MED27: variants seen among roughly 807,000 people sequenced by gnomAD.
MED27 encodes the protein mediator of RNA polymerase II transcription subunit 27.
Under a neutral mutation model 38.2 loss-of-function variants are expected in MED27, and 30 were observed. That is an observed-to-expected ratio of 0.79 (90% confidence interval 0.59 to 1.07). The LOEUF is 1.07. MED27 is among the 50% of genes least tolerant of loss of function. The pLI is 0.00. For missense variants in MED27, 289 were observed against 397.5 expected, an observed-to-expected ratio of 0.73 and a Z score of 2.32; for synonymous variants, 122 against 153.5, an observed-to-expected ratio of 0.79 and a Z score of 1.52.
chr9:132,033,893 A>T (rs934512684), intron 2 of MED27, among the ~76,000 whole-genome samples: 21 of 152,224 alleles, frequency 1.4e-4, no homozygotes, highest in Admixed American at 5.9e-4. Flanking sequence ...GTTCAACCAT[A>T]ATGTATTCCC....
At chr9:131,907,389 C>T (rs1373261985) in intron 4 of MED27, among the ~76,000 whole-genome samples, 3 of 152,170 alleles carry the variant, frequency 2.0e-5, no homozygotes, top group African/African-American at 7.2e-5. Flanking sequence ...GACTGGTTTT[C>T]GTATTTTTTT....
At chr9:131,897,488 A>T (rs1029324507) in intron 4 of MED27, among the ~76,000 whole-genome samples, 1 of 152,242 alleles carries the variant, frequency 6.6e-6, no homozygotes, top group African/African-American at 2.4e-5. Context: ...CATGCTTGAT[A>T]ATACTGGAGC....
At chr9:131,995,905 G>A (rs1273776940) in intron 3 of MED27, among the ~76,000 whole-genome samples, 1 of 152,140 alleles carries the variant, frequency 6.6e-6, no homozygotes, top group Admixed American at 6.5e-5. Flanking sequence ...ACTTGGGTCT[G>A]GGAGTCAAGG....
At chr9:131,899,557 C>A (rs1017862648) in intron 4 of MED27, among the ~76,000 whole-genome samples, 3 of 152,182 alleles carry the variant, frequency 2.0e-5, no homozygotes, top group Non-Finnish European at 4.4e-5. Flanking sequence ...GCGGTGGGAC[C>A]TTTTGAGGAA....
rs959143777 is a variant in MED27, at chr9:131,997,233, T to C, written c.479+17104A>G. 3.3e-5 allele frequency among the ~76,000 whole-genome samples: 5 copies of C among 152,164 alleles called. No homozygotes were observed. The highest frequency in any genetic ancestry group is 1.2e-4 in the African/African-American group (5 of 41,436). ...CTGGAGCTTAGCCATCTAGTAATAG[T>C]ATCACAGCTGATGAAGATCAGGGTA... On this transcript the variant is annotated intron_variant, in intron 3 of 7. Transcript: ENST00000292035. The surrounding 1 kb of genome is among the most constrained non-coding windows in gnomAD (Gnocchi z 4.0).
chr9:132,012,378 C>T (rs927349935), intron 3 of MED27, among the ~76,000 whole-genome samples: 3 of 152,204 alleles, frequency 2.0e-5, no homozygotes, highest in Non-Finnish European at 1.5e-5. Flanking sequence ...GCAGCTGTCC[C>T]TGTAGTGACC....
At chr9:132,038,892 A>G (rs1224220022) in intron 2 of MED27, among the ~76,000 whole-genome samples, 1 of 152,128 alleles carries the variant, frequency 6.6e-6, no homozygotes, top group Non-Finnish European at 1.5e-5. Context: ...CTTCGAACGG[A>G]GTGACAGGAC....
intron 4 of MED27, among the ~76,000 whole-genome samples, chr9:131,901,899 G>A (rs181082241): frequency 7.7e-4 from 118 of 152,266 alleles, no homozygotes; most frequent in Admixed American, 2.7e-3. Flanking sequence ...TTAATAGAAG[G>A]AAGCTGAAGT....
At chr9:131,955,472 G>T (rs189851462) in intron 3 of MED27, among the ~76,000 whole-genome samples, 225 of 152,208 alleles carry the variant, frequency 1.5e-3, no homozygotes, top group Non-Finnish European at 2.4e-3. Flanking sequence ...CCAAGAGCAG[G>T]TTATGGAAAT....
At chr9:131,912,570 C>T (rs1377330985) in intron 4 of MED27, among the ~76,000 whole-genome samples, 1 of 152,154 alleles carries the variant, frequency 6.6e-6, no homozygotes, top group Non-Finnish European at 1.5e-5. Context: ...CCCACTGAAC[C>T]TGACTTCACT....
At chr9:132,047,415 A>T (rs2131130302) in intron 2 of MED27, among the ~76,000 whole-genome samples, 1 of 149,270 alleles carries the variant, frequency 6.7e-6, no homozygotes, top group African/African-American at 2.5e-5. Context: ...TGGCAATTTT[A>T]AAATGCTTCA....
chr9:132,072,775 A>C (rs1411744406), intron 2 of MED27, among the ~76,000 whole-genome samples: 2 of 152,130 alleles, frequency 1.3e-5, no homozygotes, highest in Non-Finnish European at 2.9e-5. Context: ...GGGGCATTTA[A>C]GTGATTTTCT....
chr9:132,021,583 C>A (rs1352704512), intron 2 of MED27, among the ~76,000 whole-genome samples: 25 of 152,322 alleles, frequency 1.6e-4, no homozygotes, highest in Non-Finnish European at 1.5e-5. Context: ...ATCTGCCTTG[C>A]ATGGTCTGAG....
chr9:132,032,628 T>C (rs1045952812), intron 2 of MED27, among the ~76,000 whole-genome samples: 1 of 152,224 alleles, frequency 6.6e-6, no homozygotes, highest in African/African-American at 2.4e-5. Context: ...AATGTGTTCG[T>C]TCCCAAATGT....
At chr9:131,869,046 A>G (rs761479089) in intron 6 of MED27, 80 of 985,366 alleles carry the variant, frequency 8.1e-5, no homozygotes, top group Non-Finnish European at 9.3e-5. Flanking sequence ...CAAAAAGTCC[A>G]GTATAAAGCA....
chr9:131,966,630 C>T lies in MED27; in HGVS notation c.480-27156G>A, dbSNP rs1402970889. ...TCACTTTTAATGAAATGGTTGAAAG[C>T]AAGAGCTTTGGAGTCTGTCAGTCAC... On this transcript the variant is annotated intron_variant, in intron 3 of 7. Transcript: ENST00000292035. Among the ~76,000 whole-genome samples, 5 of 152,064 alleles carry T rather than the reference C, an allele frequency of 3.3e-5. No individual in the cohort carries two copies. In the South Asian group the frequency reaches 1.0e-3, roughly 32 times the overall value.
chr9:131,880,932 G>A (rs1376399410), intron 6 of MED27, among the ~76,000 whole-genome samples: 1 of 151,506 alleles, frequency 6.6e-6, no homozygotes, highest in Non-Finnish European at 1.5e-5. Context: ...ATGCAAAAGT[G>A]AGCATGTGCA....
chr9:131,865,279 G>GT (rs900652129), intron 6 of MED27, among the ~76,000 whole-genome samples: 25 of 151,566 alleles, frequency 1.6e-4, no homozygotes, highest in African/African-American at 2.2e-4. Context: ...AATGAGCAAT[G>GT]TTTTTTTTTC....
intron 2 of MED27, among the ~76,000 whole-genome samples, chr9:132,071,515 A>G (rs1383592091): frequency 2.6e-5 from 4 of 151,962 alleles, no homozygotes; most frequent in Admixed American, 2.0e-4. Context: ...TCACTCCATG[A>G]GCACACACAC....
Sources: gnomAD v4.1 joint callset for allele counts (sites outside exome capture counted in the v4.1 genomes callset) on GRCh38, gnomAD v4.1.1 for gene constraint, Gnocchi (gnomAD v3.1) non-coding constraint, MANE v1.5 for transcripts, NCBI Gene and HGNC (gene_info 2026-07-23, HGNC 2026-07-21) for gene names.